FBXL20: variants seen among roughly 807,000 people sequenced by gnomAD.
FBXL20 encodes the protein F-box/LRR-repeat protein 20.
FBXL20 carries 11 observed loss-of-function variants against 64.0 expected under a neutral mutation model. That is an observed-to-expected ratio of 0.17 (90% confidence interval 0.11 to 0.28). The LOEUF is 0.28. Among genes scored for constraint, FBXL20 ranks in the 10% least tolerant of loss-of-function variants. FBXL20 has a pLI of 1.00. For synonymous variants in FBXL20, 184 were observed against 189.0 expected (o/e 0.97, Z 0.22); for missense variants, 303 against 526.2 (o/e 0.58, Z 4.15).
chr17:39,301,389 C>G (rs1327021675), intron 3 of FBXL20, among the ~76,000 whole-genome samples: 1 of 152,070 alleles, frequency 6.6e-6, no homozygotes, highest in Non-Finnish European at 1.5e-5. Context: ...CCAGGAGTTC[C>G]AGACCAGCCT....
At chr17:39,270,897 G>A in intron 10 of FBXL20, 41 bp from the exon 11 acceptor site, 1 of 1,508,988 alleles carries the variant, frequency 6.6e-7, no homozygotes, top group Non-Finnish European at 9.0e-7. Flanking sequence ...TCAAGCTCTT[G>A]GTCCCTGAAA....
intron 12 of FBXL20, among the ~76,000 whole-genome samples, chr17:39,267,658 G>A (rs1021353469): frequency 6.6e-6 from 1 of 152,168 alleles, no homozygotes. Flanking sequence ...CAGTTTTCAT[G>A]GTTATGTTAG....
chr17:39,390,096 G>T (rs1199647845), intron 1 of FBXL20, among the ~76,000 whole-genome samples: 1 of 151,996 alleles, frequency 6.6e-6, no homozygotes, highest in East Asian at 1.9e-4. Flanking sequence ...TATTACTGTT[G>T]AACTAGATTA....
At chr17:39,344,837 A>G (rs2047617635) in intron 1 of FBXL20, among the ~76,000 whole-genome samples, 1 of 152,182 alleles carries the variant, frequency 6.6e-6, no homozygotes, top group African/African-American at 2.4e-5. Context: ...TCATGTTTAT[A>G]TATTGTGCAG....
chr17:39,342,387 G>A (rs2047591048), intron 2 of FBXL20, among the ~76,000 whole-genome samples: 1 of 148,884 alleles, frequency 6.7e-6, no homozygotes, highest in African/African-American at 2.5e-5. Flanking sequence ...GCAACACAGT[G>A]AGACCACCTC....
intron 3 of FBXL20, among the ~76,000 whole-genome samples, chr17:39,303,302 TGAGTC>T (rs1452912460): frequency 2.6e-5 from 4 of 152,188 alleles, no homozygotes; most frequent in Non-Finnish European, 5.9e-5. Flanking sequence ...ATCACAATTT[TGAGTC>T]AAGTCTAAAC....
intron 6 of FBXL20, among the ~76,000 whole-genome samples, chr17:39,291,208 C>T (rs1298764594): frequency 6.6e-6 from 1 of 152,046 alleles, no homozygotes; most frequent in East Asian, 1.9e-4. Context: ...TGATCACCCG[C>T]CTCAGCCTCC....
At chr17:39,268,347 C>T (rs2144348883) in intron 12 of FBXL20, among the ~76,000 whole-genome samples, 2 of 152,096 alleles carry the variant, frequency 1.3e-5, no homozygotes, top group South Asian at 4.2e-4. Flanking sequence ...CAGTGAAATT[C>T]CATCTCAAAA....
intron 1 of FBXL20, among the ~76,000 whole-genome samples, chr17:39,398,695 C>T (rs1003602617): frequency 2.0e-5 from 3 of 151,276 alleles, no homozygotes; most frequent in African/African-American, 7.3e-5. Flanking sequence ...TTTTTGGAGA[C>T]GGAATCTCTC....
chr17:39,296,353 G>T (rs1270495157), intron 6 of FBXL20, among the ~76,000 whole-genome samples: 1 of 151,974 alleles, frequency 6.6e-6, no homozygotes, highest in Non-Finnish European at 1.5e-5. Flanking sequence ...GAGGTCAGGA[G>T]ATCGAGACCA....
At chr17:39,397,135 A>C (rs1027863032) in intron 1 of FBXL20, among the ~76,000 whole-genome samples, 2 of 152,072 alleles carry the variant, frequency 1.3e-5, no homozygotes, top group Non-Finnish European at 2.9e-5. Flanking sequence ...CGAACTCCCG[A>C]GCTCAGATGA....
chr17:39,392,601 TTA>T (rs1174113179), intron 1 of FBXL20, among the ~76,000 whole-genome samples: 4 of 152,210 alleles, frequency 2.6e-5, no homozygotes, highest in African/African-American at 7.2e-5. Flanking sequence ...TCTAAAACTT[TTA>T]GTTTTCTTTT....
intron 1 of FBXL20, among the ~76,000 whole-genome samples, chr17:39,352,029 G>C (rs1190088410): frequency 6.6e-6 from 1 of 152,176 alleles, no homozygotes; most frequent in Non-Finnish European, 1.5e-5. Context: ...ATATTAAGCA[G>C]CTTGTGTGTG....
chr17:39,327,675 T>C (rs1025292987), intron 2 of FBXL20, among the ~76,000 whole-genome samples: 2 of 152,180 alleles, frequency 1.3e-5, no homozygotes, highest in African/African-American at 4.8e-5. Flanking sequence ...AAAATACATC[T>C]ACAACCAAAC....
Position 39,253,013 on chromosome 17 carries a change from G to A in FBXL20, c.*8447C>T, listed in dbSNP as rs1000822124. The A allele has an allele frequency of 2.0e-5, 3 of 152,306 alleles. No individual in the cohort carries two copies. The highest frequency in any genetic ancestry group is 7.2e-5 in the African/African-American group (3 of 41,398). 9.4% of individuals were successfully genotyped at this position (152,306 alleles called of 1,614,324 possible). A position where few individuals can be genotyped will look rare whatever the true frequency, so the allele number is the denominator to read the frequency against. On this transcript the variant is annotated 3_prime_UTR_variant, in exon 15 of 15. Transcript: ENST00000264658. ...CTAGTGGAGAAACAAGCAAGCAGCA[G>A]CTCTCACACACTGCAGCACTCCAGG... is the stretch of plus-strand genomic sequence containing the variant.
intron 10 of FBXL20, among the ~76,000 whole-genome samples, chr17:39,271,748 C>A (rs955737065): frequency 6.6e-6 from 1 of 152,086 alleles, no homozygotes; most frequent in African/African-American, 2.4e-5. Flanking sequence ...GAGCTGGCAG[C>A]CATTCACCTC....
chr17:39,398,040 CGGGGGGGGGGG>C (rs56842905), intron 1 of FBXL20, among the ~76,000 whole-genome samples: 1 of 56,680 alleles, frequency 1.8e-5, no homozygotes. Flanking sequence ...GGCCGGCGGG[CGGGGGGGGGGG>C]GGGGGTTGGA....
chr17:39,264,065 G>A, intron 14 of FBXL20, 110 bp downstream of exon 14: 2 of 1,183,088 alleles, frequency 1.7e-6, no homozygotes, highest in Non-Finnish European at 2.4e-6. Context: ...CTTGTTAAAT[G>A]TTCAAGTAAA....
At chr17:39,268,780 TA>T in intron 12 of FBXL20, 46 bp downstream of exon 12, 1 of 1,509,026 alleles carries the variant, frequency 6.6e-7, no homozygotes, top group Non-Finnish European at 9.2e-7. Context: ...GTGTATTATC[TA>T]AGTGTCTACT....
Sources: gnomAD v4.1 joint callset for allele counts (sites outside exome capture counted in the v4.1 genomes callset) on GRCh38, gnomAD v4.1.1 for gene constraint, MANE v1.5 for transcripts, NCBI Gene and HGNC (gene_info 2026-07-23, HGNC 2026-07-21) for gene names.